SLC2A13: variants seen among roughly 807,000 people sequenced by gnomAD.
SLC2A13 encodes the protein solute carrier family 2 member 13.
SLC2A13 carries 32 observed loss-of-function variants against 64.4 expected under a neutral mutation model. That is an observed-to-expected ratio of 0.50 (90% CI 0.37 to 0.67). SLC2A13 has a LOEUF of 0.67. SLC2A13 is among the 30% of genes least tolerant of loss of function. The pLI is 0.00. For missense variants in SLC2A13, 743 were observed against 829.2 expected, an observed-to-expected ratio of 0.90 and a Z score of 1.28; for synonymous variants, 338 against 327.1, an observed-to-expected ratio of 1.03 and a Z score of -0.36.
chr12:40,005,935 T>A lies in SLC2A13; in HGVS notation c.925+22366A>T, dbSNP rs952864639. Among the ~76,000 whole-genome samples the A allele has an allele frequency of 3.3e-5, 5 of 152,204 alleles. No homozygotes were observed. In the East Asian group the frequency reaches 9.6e-4, roughly 29 times the overall value. On this transcript the variant is annotated intron_variant, in intron 3 of 9. Transcript: ENST00000280871. ...ACGTAAGGCCCTACCTCAGAGAATC[T>A]GATTTCACAGTTTTTGCTTCTTCCA... is the stretch of plus-strand genomic sequence containing the variant.
intron 6 of SLC2A13, among the ~76,000 whole-genome samples, chr12:39,847,140 C>A (rs1343812623): frequency 6.6e-6 from 1 of 152,198 alleles, no homozygotes; most frequent in Non-Finnish European, 1.5e-5. Context: ...ACAGAGAGAA[C>A]TAAATCGTGA....
At chr12:39,915,080 G>T (rs1945501414) in intron 4 of SLC2A13, among the ~76,000 whole-genome samples, 1 of 151,934 alleles carries the variant, frequency 6.6e-6, no homozygotes, top group East Asian at 1.9e-4. Flanking sequence ...AACCAACAGA[G>T]AAATGACCAA....
intron 1 of SLC2A13, among the ~76,000 whole-genome samples, chr12:40,103,330 T>C (rs1592085827): frequency 6.6e-6 from 1 of 152,332 alleles, no homozygotes. Context: ...CCATTTCCAT[T>C]GGTAAGAGCT....
At chr12:39,776,081 T>G (rs1328408637) in intron 7 of SLC2A13, among the ~76,000 whole-genome samples, 3 of 152,214 alleles carry the variant, frequency 2.0e-5, no homozygotes, top group Non-Finnish European at 4.4e-5. Flanking sequence ...ACAGCTAATC[T>G]GGGGCTTCTT....
intron 6 of SLC2A13, among the ~76,000 whole-genome samples, chr12:39,855,375 T>C (rs1943580285): frequency 6.6e-6 from 1 of 152,208 alleles, no homozygotes; most frequent in African/African-American, 2.4e-5. Context: ...TTTATGCAGT[T>C]AAAGAACACT....
At chr12:39,986,877 C>A (rs1947041615) in intron 3 of SLC2A13, among the ~76,000 whole-genome samples, 1 of 152,014 alleles carries the variant, frequency 6.6e-6, no homozygotes, top group African/African-American at 2.4e-5. Context: ...GTTAAAGCTG[C>A]CATTTGTGCC....
chr12:39,764,608 C>T lies in SLC2A13; in HGVS notation c.1572G>A (p.Met524Ile), dbSNP rs1940282053. Reference protein sequence around the residue: ...ILYLVFFAPGMGPMPWTVNSE... With the variant: ...ILYLVFFAPGIGPMPWTVNSE... ...AATTCACAGTCCAAGGCATTGGTCC[C>T]ATTCCTGAGAAATAAAACATTAAAA... is the stretch of plus-strand genomic sequence containing the variant. The change falls in exon 9 of 10, where the codon ATG (methionine) becomes ATA (isoleucine). Residue 524 changes from methionine (M) to isoleucine (I), a missense_variant. Met to Ile is a conservative substitution (Grantham distance 10). This residue lies in a region of SLC2A13 where 295 missense variants were observed against 381.7 expected (regional missense o/e 0.77). Transcript: ENST00000280871. 6.3e-7 allele frequency: 1 copy of T among 1,588,018 alleles called. No individual in the cohort carries two copies. The highest frequency in any genetic ancestry group is 1.2e-5 in the South Asian group (1 of 85,662).
At chr12:40,013,178 TA>T (rs35009538) in intron 3 of SLC2A13, among the ~76,000 whole-genome samples, 18,676 of 145,410 alleles carry the variant, frequency 0.13, 1,393 homozygotes, top group Middle Eastern at 0.19. Context: ...CAAAATGATT[TA>T]AAAAAAAAAA....
At chr12:39,787,813 T>C (rs1242951797) in intron 7 of SLC2A13, among the ~76,000 whole-genome samples, 1 of 152,190 alleles carries the variant, frequency 6.6e-6, no homozygotes, top group Non-Finnish European at 1.5e-5. Flanking sequence ...TCTCGTTATC[T>C]AAAAATCAGA....
chr12:40,028,162 T>TATA, intron 3 of SLC2A13, 139 bp downstream of exon 3: 1 of 414,762 alleles, frequency 2.4e-6, no homozygotes, highest in Non-Finnish European at 4.1e-6. Context: ...TATGGATATT[T>TATA]TTGTATAAAT....
intron 4 of SLC2A13, among the ~76,000 whole-genome samples, chr12:39,945,206 G>C (rs912172806): frequency 5.9e-5 from 9 of 152,128 alleles, no homozygotes; most frequent in Non-Finnish European, 1.0e-4. Flanking sequence ...CTAGCTGGTA[G>C]GGTTTCTGCT....
At chr12:39,835,793 T>A (rs181470702) in intron 6 of SLC2A13, 1 of 152,202 alleles carries the variant, frequency 6.6e-6, no homozygotes, top group Admixed American at 6.6e-5. Context: ...TTCTTGTAGG[T>A]TCATATGCTA....
chr12:39,939,299 G>A (rs1308351179), intron 4 of SLC2A13, among the ~76,000 whole-genome samples: 1 of 152,160 alleles, frequency 6.6e-6, no homozygotes, highest in Non-Finnish European at 1.5e-5. Context: ...TATACACAGG[G>A]AAATGGAAAA....
rs139490048 is a variant in SLC2A13, at chr12:40,101,234, G to A, written c.556+4019C>T. Among the ~76,000 whole-genome samples, 476 of 151,746 alleles carry A rather than the reference G, an allele frequency of 3.1e-3. 4 individuals carry two copies. Among genetic ancestry groups the A allele is most frequent in the African/African-American group, 0.01 (429 of 41,428 alleles). ...ATAATGCCATATTTAAAACAGGCAC[G>A]CAGTATTTTTTTTACAACCAGTCAA... On this transcript the variant is annotated intron_variant, in intron 1 of 9. Coordinates refer to ENST00000280871, the MANE Select transcript of SLC2A13 (RefSeq NM_052885.4).
intron 1 of SLC2A13, among the ~76,000 whole-genome samples, chr12:40,056,396 T>C (rs1036762801): frequency 2.0e-5 from 3 of 152,186 alleles, no homozygotes; most frequent in Admixed American, 2.0e-4. Flanking sequence ...AGAAATTTCC[T>C]AAAATAGATT....
chr12:39,844,779 C>G (rs75614081), intron 6 of SLC2A13, among the ~76,000 whole-genome samples: 1 of 151,864 alleles, frequency 6.6e-6, no homozygotes, highest in Non-Finnish European at 1.5e-5. Flanking sequence ...CTTCCCTCAT[C>G]TGACAAATTA....
At chr12:39,896,538 A>ATGTATGTGTG (rs1241933914) in intron 4 of SLC2A13, among the ~76,000 whole-genome samples, 1 of 145,482 alleles carries the variant, frequency 6.9e-6, no homozygotes, top group East Asian at 2.1e-4. Flanking sequence ...ACATGTATGT[A>ATGTATGTGTG]TGTATGTGTG....
chr12:39,898,229 C>G (rs1363657466), intron 4 of SLC2A13, among the ~76,000 whole-genome samples: 2 of 152,022 alleles, frequency 1.3e-5, no homozygotes, highest in Non-Finnish European at 1.5e-5. Flanking sequence ...CTATAGATAC[C>G]TATTATCAAA....
chr12:39,989,519 T>G (rs1250442246), intron 3 of SLC2A13, among the ~76,000 whole-genome samples: 1 of 152,194 alleles, frequency 6.6e-6, no homozygotes, highest in Non-Finnish European at 1.5e-5. Context: ...GTGCCTGGCA[T>G]GTAACAGGTA....
Sources: gnomAD v4.1 joint callset for allele counts (sites outside exome capture counted in the v4.1 genomes callset) on GRCh38, gnomAD v4.1.1 for gene constraint, gnomAD v4.1.1 regional missense constraint, MANE v1.5 for transcripts, NCBI Gene and HGNC (gene_info 2026-07-23, HGNC 2026-07-21) for gene names.